Variants in VPS50 observed in about 807,000 individuals in gnomAD.
VPS50 encodes the protein VPS50 subunit of EARP/GARPII complex.
VPS50 carries 70 observed loss-of-function variants against 139.7 expected under a neutral mutation model. The observed-to-expected ratio is 0.50, with a 90% confidence interval of 0.41 to 0.61. VPS50 has a LOEUF of 0.61. Among genes scored for constraint, VPS50 ranks in the 20% least tolerant of loss-of-function variants. The pLI, the probability that VPS50 is intolerant of heterozygous loss-of-function variation, is 0.00. For missense variants in VPS50, 921 were observed against 1,133.7 expected, an observed-to-expected ratio of 0.81 and a Z score of 2.69; for synonymous variants, 365 against 376.7, an observed-to-expected ratio of 0.97 and a Z score of 0.36.
chr7:93,281,266 A>T (rs1193847467), intron 12 of VPS50, among the ~76,000 whole-genome samples: 5 of 152,216 alleles, frequency 3.3e-5, no homozygotes, highest in African/African-American at 1.2e-4. Flanking sequence ...TTGATACTGA[A>T]TTATAATCAT....
intron 16 of VPS50, among the ~76,000 whole-genome samples, chr7:93,301,035 G>A (rs533384809): frequency 3.1e-4 from 47 of 152,148 alleles, no homozygotes; most frequent in African/African-American, 1.1e-3. Context: ...AATGGTTCAC[G>A]CCTATAATCC....
rs576763392 is a variant in VPS50, at chr7:93,280,554, A to G, written c.942+4249A>G. ...TTTACACCAATTTGTGGAGAGATTT[A>G]TAGACAACATTTGGAAGCTTTTAAT... On this transcript the variant is annotated intron_variant, in intron 12 of 27. Transcript: ENST00000305866. Among the ~76,000 whole-genome samples the G allele has an allele frequency of 1.4e-4, 21 of 152,276 alleles. No homozygotes were observed. The South Asian group carries it at 4.3e-3, about 32-fold the overall frequency.
intron 23 of VPS50, among the ~76,000 whole-genome samples, chr7:93,347,539 T>A (rs1250792916): frequency 9.5e-6 from 1 of 105,496 alleles, no homozygotes; most frequent in Non-Finnish European, 1.8e-5. Context: ...ATGTTTATTG[T>A]GGCACTATTC....
intron 6 of VPS50, chr7:93,257,820 G>A (rs184963252): frequency 6.2e-5 from 15 of 240,224 alleles, no homozygotes; most frequent in Admixed American, 3.7e-4. Context: ...AAATAAAGAA[G>A]GAAAGACATA....
intron 22 of VPS50, among the ~76,000 whole-genome samples, chr7:93,339,254 C>T (rs1347183250): frequency 3.3e-5 from 5 of 150,500 alleles, no homozygotes; most frequent in African/African-American, 7.3e-5. Context: ...CACAGTTATT[C>T]CCCAACTAAC....
chr7:93,253,884 CAAG>C lies in VPS50; in HGVS notation c.253_255del (p.Glu85del). Reference sequence around the variant, plus strand: ...GAAGCTTCCACCTGTTCTCAATTTGCAAGAATTAGAGGCGTATAGAGACAAATT... The same window carrying C: ...GAAGCTTCCACCTGTTCTCAATTTGCAATTAGAGGCGTATAGAGACAAATT... On this transcript the variant is annotated inframe_deletion, in exon 4 of 28. Transcript: ENST00000305866. 6.3e-7 allele frequency: 1 copy of C among 1,595,594 alleles called. No homozygotes were observed. Among genetic ancestry groups the C allele is most frequent in the Non-Finnish European group, 8.6e-7 (1 of 1,166,542 alleles).
rs568038302 is a variant in VPS50, at chr7:93,323,759, A to G, written c.1977+27A>G. 13 of 1,288,476 alleles carry G rather than the reference A, an allele frequency of 1.0e-5. No homozygotes were observed. In the African/African-American group the frequency reaches 1.7e-4, roughly 17 times the overall value. 79.8% of individuals were successfully genotyped at this position (1,288,476 alleles called of 1,614,324 possible). ...TAAGTCCACCTTTAGAGGGAAAAAA[A>G]TCTTTCTTTTAAAATTTATTTTATA... On this transcript the variant is annotated intron_variant, in intron 21 of 27. Transcript: ENST00000305866.
intron 17 of VPS50, among the ~76,000 whole-genome samples, chr7:93,305,376 T>G (rs1255127084): frequency 6.6e-6 from 1 of 151,982 alleles, no homozygotes; most frequent in East Asian, 1.9e-4. Context: ...AACACAGATA[T>G]GTACTTCATA....
chr7:93,319,303 G>A (rs184413757), intron 20 of VPS50, among the ~76,000 whole-genome samples: 1 of 152,146 alleles, frequency 6.6e-6, no homozygotes, highest in Non-Finnish European at 1.5e-5. Context: ...CTGATGAATT[G>A]GCTAAGGCAG....
chr7:93,232,666 C>A (rs1190096306), intron 1 of VPS50, among the ~76,000 whole-genome samples, 166 bp downstream of exon 1: 1 of 152,052 alleles, frequency 6.6e-6, no homozygotes, highest in East Asian at 1.9e-4. Context: ...ACCTGGGCCG[C>A]CTGGGTTGGA....
At position 93,341,456 on chromosome 7, in the gene VPS50, C is replaced by T. The variant is rs1209367739; in HGVS notation, c.2088C>T (p.Leu696=). The T allele has an allele frequency of 1.9e-6, 3 of 1,611,754 alleles. No individual in the cohort carries two copies. Among genetic ancestry groups the T allele is most frequent in the Non-Finnish European group, 2.5e-6 (3 of 1,179,008 alleles). ...TTTCAGCTGATCCTACTGCCACACTCACAGCAGCAGAAGAAAGAAAGGAGA... is the reference window on the plus strand; with the variant it reads ...TTTCAGCTGATCCTACTGCCACACTTACAGCAGCAGAAGAAAGAAAGGAGA... ...LEVSADPTAT[L]TAAEERKEKV... The change falls in exon 23 of 28, where the codon CTC becomes CTT. Residue 696 remains leucine, a synonymous_variant. Coordinates refer to ENST00000305866, the MANE Select transcript of VPS50 (RefSeq NM_017667.4).
At chr7:93,317,354 A>T (rs139764459) in intron 20 of VPS50, among the ~76,000 whole-genome samples, 1 of 152,270 alleles carries the variant, frequency 6.6e-6, no homozygotes, top group East Asian at 1.9e-4. Context: ...GTTCAAGAGC[A>T]GCCTGGCCAA....
intron 25 of VPS50, among the ~76,000 whole-genome samples, chr7:93,351,840 A>G (rs1368638368): frequency 1.3e-5 from 2 of 152,230 alleles, no homozygotes; most frequent in African/African-American, 4.8e-5. Flanking sequence ...ACAGATACAC[A>G]TGCTGTGAGG....
intron 23 of VPS50, among the ~76,000 whole-genome samples, chr7:93,343,235 G>A (rs544685635): frequency 0.018 from 2,737 of 152,164 alleles, 87 homozygotes; most frequent in African/African-American, 0.063. Context: ...GGGTATCAGC[G>A]ATGGAAGATG....
intron 2 of VPS50, among the ~76,000 whole-genome samples, chr7:93,246,832 AT>A (rs774746230): frequency 1.3e-4 from 20 of 151,896 alleles, no homozygotes; most frequent in Non-Finnish European, 2.7e-4. Flanking sequence ...TGGTAAAGTT[AT>A]AGCCTAGTTC....
chr7:93,297,493 G>A (rs181791996), intron 16 of VPS50, among the ~76,000 whole-genome samples: 1 of 152,066 alleles, frequency 6.6e-6, no homozygotes, highest in Non-Finnish European at 1.5e-5. Context: ...TTTTTAATGA[G>A]TAAAACATGA....
At chr7:93,269,392 C>G (rs1328082053) in intron 9 of VPS50, among the ~76,000 whole-genome samples, 1 of 151,964 alleles carries the variant, frequency 6.6e-6, no homozygotes, top group Non-Finnish European at 1.5e-5. Context: ...AGGTATCAGT[C>G]CTACACTGTT....
At position 93,305,905 on chromosome 7, in the gene VPS50, A is replaced by T; in HGVS notation, c.1530A>T (p.Thr510=). The stretch of plus-strand genomic sequence containing the variant: ...AGCCAGTCTCAACTTCTTCAAAAAC[A>T]GTGACCTTGTTTGAGCAGTACTGTA... ...SKQPVSTSSK[T]VTLFEQYCSG... is the part of the protein sequence containing the mutation. Residue 510 remains threonine, a synonymous_variant, in exon 18 of 28, where the codon ACA becomes ACT. Coordinates refer to ENST00000305866, the MANE Select transcript of VPS50 (RefSeq NM_017667.4). 6.2e-7 allele frequency: 1 copy of T among 1,612,344 alleles called. No homozygotes were observed. The highest frequency in any genetic ancestry group is 8.5e-7 in the Non-Finnish European group (1 of 1,178,552).
intron 21 of VPS50, among the ~76,000 whole-genome samples, chr7:93,330,686 C>T (rs1268632405): frequency 7.4e-5 from 10 of 134,248 alleles, no homozygotes; most frequent in Admixed American, 7.4e-4. Context: ...CCCTGGAGGT[C>T]GAGGCTGCAG....
Sources: allele counts gnomAD v4.1 joint callset (sites outside exome capture counted in the v4.1 genomes callset), GRCh38; gene constraint gnomAD v4.1.1; transcripts MANE v1.5; gene names NCBI Gene and HGNC (gene_info 2026-07-23, HGNC 2026-07-21).